METTL8: variants seen among roughly 807,000 people sequenced by gnomAD.
METTL8 encodes methyltransferase 8, tRNA N3-cytidine.
Under a neutral mutation model 48.7 loss-of-function variants are expected in METTL8, and 32 were observed. That is an observed-to-expected ratio of 0.66 (90% CI 0.50 to 0.88). The LOEUF is 0.88. Among genes scored for constraint, METTL8 ranks in the 40% least tolerant of loss-of-function variants. The probability of loss-of-function intolerance (pLI) is 0.00; values close to 1 mark genes in which losing one functional copy is unlikely to be tolerated. For synonymous variants in METTL8, 136 were observed against 157.1 expected (o/e 0.87, Z 1.01); for missense variants, 464 against 474.4 (o/e 0.98, Z 0.20).
intron 1 of METTL8, among the ~76,000 whole-genome samples, chr2:171,429,378 A>G (rs1424655695): frequency 2.0e-5 from 3 of 152,228 alleles, no homozygotes; most frequent in Non-Finnish European, 4.4e-5. Flanking sequence ...GGTGATTTAT[A>G]TAAAGAAAAG....
chr2:171,365,772 A>G (rs1459720712), intron 2 of METTL8, among the ~76,000 whole-genome samples: 1 of 152,226 alleles, frequency 6.6e-6, no homozygotes, highest in African/African-American at 2.4e-5. Context: ...TCCTGCCACA[A>G]ATAATTATAA....
At chr2:171,391,281 G>GT (rs770498826) in intron 2 of METTL8, among the ~76,000 whole-genome samples, 2 of 152,330 alleles carry the variant, frequency 1.3e-5, no homozygotes, top group Non-Finnish European at 2.9e-5. Flanking sequence ...AGAGACTACA[G>GT]TATAGTGTAA....
Position 171,407,983 on chromosome 2 carries a change from A to G in METTL8, c.-12-15786T>C, listed in dbSNP as rs79086660. On this transcript the variant is annotated intron_variant, in intron 1 of 9. Coordinates refer to ENST00000375258, the MANE Select transcript of METTL8 (RefSeq NM_001321154.2). ...TGAAGTCAAAAGAACCTGCATGATG[A>G]TGGTCAGTAGCTTCTTTATAATGAG... Among the ~76,000 whole-genome samples the G allele has an allele frequency of 1.3e-3, 202 of 152,362 alleles. 4 individuals carry two copies. In the East Asian group the frequency reaches 0.014, roughly 10 times the overall value.
chr2:171,326,934 C>A (rs2105388238), intron 7 of METTL8: 1 of 152,188 alleles, frequency 6.6e-6, no homozygotes, highest in Non-Finnish European at 1.5e-5. Context: ...GATTTTAATC[C>A]ATAGGATAAA....
rs373911141 is a variant in METTL8 at position 171,414,745 on chromosome 2, G to T, written c.-13+19138C>A. On this transcript the variant is annotated intron_variant, in intron 1 of 9. Coordinates refer to ENST00000375258, the MANE Select transcript of METTL8 (RefSeq NM_001321154.2). ...TCTGTTTCTGAAAAAAAAAAAAAAG[G>T]TTACTAAAACCCTAAATTTATTGGT... The T allele has an allele frequency of 5.9e-5, 9 of 151,492 alleles. No homozygotes were observed. In the East Asian group the frequency reaches 1.2e-3, roughly 20 times the overall value. 9.4% of individuals were successfully genotyped at this position (151,492 alleles called of 1,614,324 possible).
At chr2:171,429,963 C>T (rs1692818960) in intron 1 of METTL8, among the ~76,000 whole-genome samples, 1 of 151,898 alleles carries the variant, frequency 6.6e-6, no homozygotes, top group African/African-American at 2.4e-5. Context: ...TCACTTGAAC[C>T]CGGGAAGCAG....
In METTL8 at chr2:171,335,487, C is replaced by T. The variant is rs529104610; in HGVS notation, c.656+1966G>A. Among the ~76,000 whole-genome samples, 13 of 152,140 alleles carry T rather than the reference C, an allele frequency of 8.5e-5. No homozygotes were observed. In the South Asian group the frequency reaches 1.5e-3, roughly 17 times the overall value. ...TCACCCAGGCTGGAGTGCAGTAGTGCGATCTCAGCTCACTGCAACCTCCAC... is the reference window on the plus strand; with the variant it reads ...TCACCCAGGCTGGAGTGCAGTAGTGTGATCTCAGCTCACTGCAACCTCCAC... On this transcript the variant is annotated intron_variant, in intron 5 of 9. Coordinates refer to ENST00000375258, the MANE Select transcript of METTL8 (RefSeq NM_001321154.2).
intron 3 of METTL8, among the ~76,000 whole-genome samples, chr2:171,340,094 A>T (rs1004568477): frequency 6.6e-6 from 1 of 151,630 alleles, no homozygotes; most frequent in Admixed American, 6.6e-5. Flanking sequence ...GCTACTCAGG[A>T]GGCTGAGGCA....
intron 2 of METTL8, among the ~76,000 whole-genome samples, chr2:171,372,943 T>C (rs1364681622): frequency 6.6e-6 from 1 of 152,330 alleles, no homozygotes; most frequent in African/African-American, 2.4e-5. Context: ...GCAATAAACA[T>C]ACGTGTGCAT....
At chr2:171,415,508 T>C (rs990842649) in intron 1 of METTL8, among the ~76,000 whole-genome samples, 2 of 151,850 alleles carry the variant, frequency 1.3e-5, no homozygotes, top group African/African-American at 2.4e-5. Context: ...CCTGTCACCA[T>C]GCCTGGCTAA....
In METTL8 at chr2:171,317,720, C is replaced by A. The variant is rs1253906542; in HGVS notation, c.*6452G>T. 1 of 152,186 alleles carries A rather than the reference C, an allele frequency of 6.6e-6. No individual in the cohort carries two copies. The highest frequency in any genetic ancestry group is 1.5e-5 in the Non-Finnish European group (1 of 68,042). The allele number at this position is 152,186 out of a possible 1,614,324, so 9.4% of individuals were successfully genotyped here. ...GAATCAGAAGCTGTTGTTTTAAACTCTTGGCCAAGTAGCAGTGCCTTGTAG... is the reference window on the plus strand; with the variant it reads ...GAATCAGAAGCTGTTGTTTTAAACTATTGGCCAAGTAGCAGTGCCTTGTAG... On this transcript the variant is annotated 3_prime_UTR_variant, in exon 10 of 10. Coordinates refer to ENST00000375258, the MANE Select transcript of METTL8 (RefSeq NM_001321154.2).
At chr2:171,342,360 T>A (rs888368529) in intron 3 of METTL8, among the ~76,000 whole-genome samples, 1 of 152,216 alleles carries the variant, frequency 6.6e-6, no homozygotes, top group African/African-American at 2.4e-5. Flanking sequence ...GTCCAAAACA[T>A]ACTCACCTCT....
intron 2 of METTL8, among the ~76,000 whole-genome samples, chr2:171,370,715 C>T (rs959513227): frequency 5.5e-4 from 84 of 152,090 alleles, no homozygotes; most frequent in Non-Finnish European, 8.8e-4. Flanking sequence ...GGCGTGAACC[C>T]GGGAGGCGGA....
chr2:171,359,251 C>T (rs540129053), intron 3 of METTL8, among the ~76,000 whole-genome samples: 20 of 150,812 alleles, frequency 1.3e-4, no homozygotes, highest in East Asian at 3.9e-4. Flanking sequence ...AACAGCTATA[C>T]GAAAAAATGC....
At chr2:171,359,279 C>T (rs576590649) in intron 3 of METTL8, among the ~76,000 whole-genome samples, 1 of 151,982 alleles carries the variant, frequency 6.6e-6, no homozygotes, top group East Asian at 1.9e-4. Context: ...CACTAATCAT[C>T]AGAGAAATGC....
Position 171,421,101 on chromosome 2 carries a change from T to G in METTL8, c.-13+12782A>C, listed in dbSNP as rs575857370. On this transcript the variant is annotated intron_variant, in intron 1 of 9. Coordinates refer to ENST00000375258, the MANE Select transcript of METTL8 (RefSeq NM_001321154.2). ...AAAGGTGGAGGAGGAAGTAACAAAC[T>G]GTCACAGTTTCCTAACGATATGATT... is the stretch of plus-strand genomic sequence containing the variant. Among the ~76,000 whole-genome samples the G allele has an allele frequency of 8.5e-5, 13 of 152,254 alleles. No homozygotes were observed. The South Asian group carries it at 1.7e-3, about 19-fold the overall frequency.
At chr2:171,397,352 T>TAAAAAAAAAAAAAAAAAAAAA (rs71013039) in intron 1 of METTL8, among the ~76,000 whole-genome samples, 1 of 11,692 alleles carries the variant, frequency 8.6e-5, no homozygotes. Context: ...ACCCTGTCTC[T>TAAAAAAAAAAAAAAAAAAAAA]AAAAAAAAAA....
At chr2:171,371,467 C>T (rs964699332) in intron 2 of METTL8, among the ~76,000 whole-genome samples, 2 of 152,192 alleles carry the variant, frequency 1.3e-5, no homozygotes, top group Admixed American at 6.5e-5. Flanking sequence ...AGTGATTCTC[C>T]TGCCTCAGCC....
At chr2:171,357,923 T>C (rs534142453) in intron 3 of METTL8, among the ~76,000 whole-genome samples, 1 of 152,306 alleles carries the variant, frequency 6.6e-6, no homozygotes, top group African/African-American at 2.4e-5. Flanking sequence ...CTTGAACTCC[T>C]GGGCTCAAGC....
Sources: allele counts gnomAD v4.1 joint callset (sites outside exome capture counted in the v4.1 genomes callset), GRCh38; gene constraint gnomAD v4.1.1; transcripts MANE v1.5; gene names NCBI Gene and HGNC (gene_info 2026-07-23, HGNC 2026-07-21).